TRPM1: variants seen among roughly 807,000 people sequenced by gnomAD.
The protein encoded by TRPM1 is transient receptor potential cation channel subfamily M member 1.
A neutral mutation model predicts 149.4 loss-of-function variants in TRPM1; 113 were observed. The observed-to-expected ratio is 0.76, with a 90% CI of 0.65 to 0.88. The LOEUF (loss-of-function observed/expected upper bound fraction) is 0.88, where lower values mean the gene tolerates loss of function less well. TRPM1 is among the 40% of genes least tolerant of loss of function. The pLI, the probability that TRPM1 is intolerant of heterozygous loss-of-function variation, is 0.00. For missense variants in TRPM1, 1,976 were observed against 2,038.7 expected, an observed-to-expected ratio of 0.97 and a Z score of 0.59; for synonymous variants, 741 against 759.5, an observed-to-expected ratio of 0.98 and a Z score of 0.40.
At chr15:31,006,982 T>G (rs547349994) in intron 27 of TRPM1, among the ~76,000 whole-genome samples, 213 of 152,304 alleles carry the variant, frequency 1.4e-3, no homozygotes, top group Non-Finnish European at 2.2e-3. Flanking sequence ...TTCCATATTA[T>G]GGGTTTTAGA....
chr15:31,108,905 C>T (rs1197663637), intron 1 of TRPM1, among the ~76,000 whole-genome samples: 2 of 152,224 alleles, frequency 1.3e-5, no homozygotes, highest in African/African-American at 4.8e-5. Context: ...TTGACTTTAC[C>T]TACTTGCCCT....
At chr15:31,139,243 G>C (rs536195960) in intron 1 of TRPM1, among the ~76,000 whole-genome samples, 1 of 152,208 alleles carries the variant, frequency 6.6e-6, no homozygotes, top group African/African-American at 2.4e-5. Flanking sequence ...TAGAGATGTA[G>C]GTTCTGTGCC....
At chr15:31,079,399 A>G (rs2034797097) in intron 2 of TRPM1, among the ~76,000 whole-genome samples, 1 of 152,200 alleles carries the variant, frequency 6.6e-6, no homozygotes, top group African/African-American at 2.4e-5. Flanking sequence ...ACCTGGAAGG[A>G]TCCGTTTCCA....
At position 31,029,487 on chromosome 15, in the gene TRPM1, A is replaced by G. The variant is rs568461862; in HGVS notation, c.3128-96T>C. Reference sequence around the variant, plus strand: ...ATGATGGTTGAGAGAAAAGTAAAACAAGTGGTTTAACAACATAACTGTTTT... The same window carrying G: ...ATGATGGTTGAGAGAAAAGTAAAACGAGTGGTTTAACAACATAACTGTTTT... On this transcript the variant is annotated intron_variant, in intron 23 of 27. Coordinates refer to ENST00000256552, the MANE Select transcript of TRPM1 (RefSeq NM_001252024.2). 1.6e-4 allele frequency: 205 copies of G among 1,258,650 alleles called. 2 individuals are homozygous for G. The Middle Eastern group carries it at 2.8e-3, about 17-fold the overall frequency. 78.0% of individuals were successfully genotyped at this position (1,258,650 alleles called of 1,614,324 possible).
intron 1 of TRPM1, among the ~76,000 whole-genome samples, chr15:31,100,717 A>G (rs2035496671): frequency 6.6e-6 from 1 of 152,184 alleles, no homozygotes; most frequent in Non-Finnish European, 1.5e-5. Flanking sequence ...TGTGTGTGTA[A>G]TGAAAAACAC....
intron 11 of TRPM1, among the ~76,000 whole-genome samples, chr15:31,053,579 C>A (rs537631861): frequency 1.3e-5 from 2 of 152,264 alleles, no homozygotes; most frequent in African/African-American, 4.8e-5. Context: ...TGGCTATTAT[C>A]TAAACAACAG....
intron 13 of TRPM1, among the ~76,000 whole-genome samples, chr15:31,048,971 T>A (rs1049025406): frequency 6.6e-6 from 1 of 152,122 alleles, no homozygotes; most frequent in Admixed American, 6.5e-5. Flanking sequence ...CCAGCAGAGC[T>A]CCTGGGTGTG....
chr15:31,022,307 C>T (rs527567520), intron 27 of TRPM1, among the ~76,000 whole-genome samples: 38 of 152,356 alleles, frequency 2.5e-4, no homozygotes, highest in African/African-American at 8.4e-4. Context: ...GGACAGAACA[C>T]ATGGGTTGAC....
At chr15:31,062,768 A>G (rs931785042) in intron 8 of TRPM1, 66 bp from the exon 9 acceptor site, 7 of 1,559,220 alleles carry the variant, frequency 4.5e-6, no homozygotes, top group African/African-American at 2.7e-5. Context: ...TGAGTCAGAC[A>G]TATCTCTGTC....
intron 1 of TRPM1, among the ~76,000 whole-genome samples, chr15:31,122,328 G>C (rs2035891555): frequency 6.6e-6 from 1 of 152,034 alleles, no homozygotes; most frequent in East Asian, 1.9e-4. Context: ...GAAAATTACA[G>C]CTAATGCAAT....
chr15:31,067,313 C>G (rs921119590), intron 5 of TRPM1, 126 bp from the exon 6 acceptor site: 11 of 1,369,000 alleles, frequency 8.0e-6, no homozygotes, highest in African/African-American at 7.1e-5. Flanking sequence ...ACACACTCAT[C>G]TTTATCATTA....
intron 11 of TRPM1, among the ~76,000 whole-genome samples, chr15:31,053,030 T>C (rs2033987852): frequency 6.6e-6 from 1 of 151,838 alleles, no homozygotes; most frequent in South Asian, 2.1e-4. Flanking sequence ...TGATAAGGGG[T>C]TCATAGCCAG....
chr15:31,029,179 T>TA (rs957712205), intron 24 of TRPM1, among the ~76,000 whole-genome samples, 192 bp downstream of exon 24: 1 of 152,156 alleles, frequency 6.6e-6, no homozygotes, highest in Non-Finnish European at 1.5e-5. Flanking sequence ...ATTTCTCCCC[T>TA]AAAAAAATAG....
At chr15:31,110,887 TTCTC>T (rs143831204) in intron 1 of TRPM1, among the ~76,000 whole-genome samples, 8,214 of 148,894 alleles carry the variant, frequency 0.055, 828 homozygotes, top group African/African-American at 0.2. Flanking sequence ...TTCTTTCTCT[TTCTC>T]TCTCTCTCTC....
At chr15:31,087,230 G>GGT (rs1486533022) in intron 1 of TRPM1, among the ~76,000 whole-genome samples, 2 of 87,468 alleles carry the variant, frequency 2.3e-5, no homozygotes, top group Non-Finnish European at 4.5e-5. Context: ...TCTCAATAGG[G>GGT]ATTTTTTTTT....
intron 27 of TRPM1, among the ~76,000 whole-genome samples, chr15:31,009,247 G>A (rs988951078): frequency 6.6e-5 from 10 of 152,030 alleles, no homozygotes; most frequent in African/African-American, 2.4e-4. Flanking sequence ...TGTAATCCCA[G>A]CTACTCGGGA....
At chr15:31,157,937 C>T (rs1005757195) in intron 1 of TRPM1, among the ~76,000 whole-genome samples, 2 of 152,112 alleles carry the variant, frequency 1.3e-5, no homozygotes, top group African/African-American at 4.8e-5. Context: ...AGGGGTGCTG[C>T]TTTCGATTAG....
At chr15:31,034,958 G>A (rs1296554924) in intron 21 of TRPM1, among the ~76,000 whole-genome samples, 2 of 152,172 alleles carry the variant, frequency 1.3e-5, no homozygotes, top group African/African-American at 2.4e-5. Flanking sequence ...GAATAAACTT[G>A]GGATTGTGAT....
chr15:31,005,182 T>C (rs1254688427), intron 27 of TRPM1, among the ~76,000 whole-genome samples: 1 of 152,054 alleles, frequency 6.6e-6, no homozygotes, highest in Non-Finnish European at 1.5e-5. Context: ...ATTATTCCTT[T>C]TGTATCAAAA....
Sources: gnomAD v4.1 joint callset for allele counts (sites outside exome capture counted in the v4.1 genomes callset) on GRCh38, gnomAD v4.1.1 for gene constraint, MANE v1.5 for transcripts, NCBI Gene and HGNC (gene_info 2026-07-23, HGNC 2026-07-21) for gene names.